Variants in TSGA10 observed in about 807,000 individuals in gnomAD.
TSGA10 encodes testis-specific gene 10 protein.
In TSGA10, 43 loss-of-function variants were observed where a neutral mutation model predicts 96.6. The observed-to-expected ratio is 0.44, with a 90% CI of 0.35 to 0.57. The LOEUF (loss-of-function observed/expected upper bound fraction) is 0.57. Among genes scored for constraint, TSGA10 ranks in the 20% least tolerant of loss-of-function variants. TSGA10 has a pLI of 0.01. For missense variants in TSGA10, 703 were observed against 834.4 expected, an observed-to-expected ratio of 0.84 and a Z score of 1.94; for synonymous variants, 229 against 269.9, an observed-to-expected ratio of 0.85 and a Z score of 1.48.
intron 20 of TSGA10, among the ~76,000 whole-genome samples, chr2:99,013,513 T>A (rs1306433755): frequency 6.6e-6 from 1 of 151,686 alleles, no homozygotes; most frequent in Non-Finnish European, 1.5e-5. Context: ...TTTGTATTTT[T>A]AGTAGAGACG....
At chr2:99,135,329 A>C (rs1048537761) in intron 1 of TSGA10, among the ~76,000 whole-genome samples, 1 of 152,168 alleles carries the variant, frequency 6.6e-6, no homozygotes, top group African/African-American at 2.4e-5. Flanking sequence ...AGCTTAGCCA[A>C]GCTGTGGTGA....
chr2:99,018,699 G>C (rs986148370), intron 18 of TSGA10, 59 bp from the exon 19 acceptor site: 3 of 1,426,242 alleles, frequency 2.1e-6, no homozygotes, highest in Non-Finnish European at 1.9e-6. Flanking sequence ...CTATGATTCT[G>C]GGGTACATGA....
intron 1 of TSGA10, 59 bp from the exon 2 acceptor site, chr2:99,127,235 T>A (rs1287960758): frequency 6.1e-6 from 7 of 1,140,384 alleles, no homozygotes; most frequent in Non-Finnish European, 7.7e-6. Context: ...CTCTGTGATT[T>A]CTTACATCAA....
intron 14 of TSGA10, among the ~76,000 whole-genome samples, chr2:99,070,081 C>T (rs576398093): frequency 2.0e-5 from 3 of 151,892 alleles, no homozygotes; most frequent in Non-Finnish European, 4.4e-5. Flanking sequence ...ATGACCATAA[C>T]GAAGAAAAAA....
At chr2:99,116,409 A>T (rs1034722343) in intron 4 of TSGA10, among the ~76,000 whole-genome samples, 5 of 152,206 alleles carry the variant, frequency 3.3e-5, no homozygotes, top group African/African-American at 1.2e-4. Context: ...TAACTAAAAC[A>T]ATGTGATGGT....
chr2:99,019,699 T>C (rs1196258932), intron 18 of TSGA10, among the ~76,000 whole-genome samples: 1 of 152,018 alleles, frequency 6.6e-6, no homozygotes, highest in Non-Finnish European at 1.5e-5. Context: ...TTATGAGAGA[T>C]GATCAAGTTT....
chr2:99,154,004 C>T (rs945388048), intron 1 of TSGA10, among the ~76,000 whole-genome samples: 1 of 152,208 alleles, frequency 6.6e-6, no homozygotes, highest in African/African-American at 2.4e-5. Flanking sequence ...TACCCCACGC[C>T]TTAACTCTGG....
intron 12 of TSGA10, among the ~76,000 whole-genome samples, chr2:99,078,020 C>G (rs980204609): frequency 2.0e-5 from 3 of 151,246 alleles, no homozygotes; most frequent in African/African-American, 7.3e-5. Flanking sequence ...GCCTGTAATC[C>G]CAGCACTTTG....
chr2:99,052,785 C>T (rs928951634), intron 16 of TSGA10, among the ~76,000 whole-genome samples: 3 of 151,224 alleles, frequency 2.0e-5, no homozygotes, highest in Non-Finnish European at 4.4e-5. Context: ...ATAAATAAAT[C>T]TTGCCAGGTG....
At chr2:99,145,935 C>A (rs1410672454) in intron 1 of TSGA10, among the ~76,000 whole-genome samples, 1 of 152,140 alleles carries the variant, frequency 6.6e-6, no homozygotes, top group Non-Finnish European at 1.5e-5. Context: ...CATTCGAGAC[C>A]AGCCTGGGCA....
chr2:99,013,752 A>G (rs1391277250), intron 20 of TSGA10, among the ~76,000 whole-genome samples: 2 of 151,986 alleles, frequency 1.3e-5, no homozygotes, highest in East Asian at 3.9e-4. Context: ...GCGGGGGCTC[A>G]TGCCTGTAAT....
chr2:99,032,267 T>TA (rs2081204555), intron 17 of TSGA10, among the ~76,000 whole-genome samples: 1 of 151,776 alleles, frequency 6.6e-6, no homozygotes, highest in South Asian at 2.1e-4. Flanking sequence ...CCAAAATGAG[T>TA]AAAAAACAAA....
chr2:99,017,157 T>G (rs1447152283), intron 20 of TSGA10, among the ~76,000 whole-genome samples: 3 of 152,312 alleles, frequency 2.0e-5, no homozygotes, highest in Middle Eastern at 6.8e-3. Context: ...CTACTGGGTA[T>G]CTATTCAGAG....
At chr2:99,025,530 T>G (rs1286644172) in intron 17 of TSGA10, among the ~76,000 whole-genome samples, 4 of 152,302 alleles carry the variant, frequency 2.6e-5, no homozygotes, top group African/African-American at 9.6e-5. Flanking sequence ...TTGTCAATTT[T>G]GTTGGTATTC....
intron 1 of TSGA10, among the ~76,000 whole-genome samples, chr2:99,148,070 A>G (rs2093650200): frequency 6.6e-6 from 1 of 152,196 alleles, no homozygotes; most frequent in Non-Finnish European, 1.5e-5. Context: ...GAAATAATGT[A>G]TCTTTAGCCT....
chr2:99,078,581 C>T, intron 12 of TSGA10, 78 bp downstream of exon 12: 1 of 1,359,732 alleles, frequency 7.4e-7, no homozygotes, highest in East Asian at 2.4e-5. Context: ...TATTCAGATT[C>T]TAGTTCTTTT....
intron 2 of TSGA10, among the ~76,000 whole-genome samples, chr2:99,124,215 T>C (rs1030634509): frequency 2.5e-4 from 38 of 152,216 alleles, no homozygotes; most frequent in Admixed American, 2.3e-3. Flanking sequence ...TCTTTAATGG[T>C]TGATGATGTT....
At position 99,062,695 on chromosome 2, in the gene TSGA10, A is replaced by C. The variant is rs1349375868; in HGVS notation, c.1404+2244T>G. Reference sequence around the variant, plus strand: ...GGCTGCGGTGAGCTATGATTGTACCACTGCACTCCAGCCTAGGAACAGAGT... The same window carrying C: ...GGCTGCGGTGAGCTATGATTGTACCCCTGCACTCCAGCCTAGGAACAGAGT... On this transcript the variant is annotated intron_variant, in intron 16 of 20. Coordinates refer to ENST00000393483, the MANE Select transcript of TSGA10 (RefSeq NM_025244.4). 2.6e-5 allele frequency among the ~76,000 whole-genome samples: 4 copies of C among 152,202 alleles called. No homozygotes were observed. The East Asian group carries it at 5.8e-4, about 22-fold the overall frequency.
intron 17 of TSGA10, among the ~76,000 whole-genome samples, chr2:99,024,203 C>A (rs1459380948): frequency 2.0e-5 from 3 of 152,078 alleles, no homozygotes; most frequent in Non-Finnish European, 4.4e-5. Context: ...GATTCTCCTG[C>A]CTCGGCCTCC....
Sources: gnomAD v4.1 joint callset for allele counts (sites outside exome capture counted in the v4.1 genomes callset) on GRCh38, gnomAD v4.1.1 for gene constraint, MANE v1.5 for transcripts, NCBI Gene and HGNC (gene_info 2026-07-23, HGNC 2026-07-21) for gene names.